The following TMEM108 variants were observed in gnomAD, a reference collection of about 807,000 sequenced individuals.
TMEM108 encodes the protein cancer/testis antigen 124.
A neutral mutation model predicts 35.1 loss-of-function variants in TMEM108; 12 were observed. The observed-to-expected ratio is 0.34, with a 90% CI of 0.22 to 0.55. The LOEUF (loss-of-function observed/expected upper bound fraction) is 0.55, where lower values mean the gene tolerates loss of function less well. TMEM108 is among the 20% of genes least tolerant of loss of function. TMEM108 has a pLI of 0.89. For missense variants in TMEM108, 680 were observed against 753.3 expected (o/e 0.90, Z 1.14); for synonymous variants, 287 against 308.6 (o/e 0.93, Z 0.73).
At chr3:133,188,020 A>G (rs1347276509) in intron 2 of TMEM108, among the ~76,000 whole-genome samples, 1 of 152,100 alleles carries the variant, frequency 6.6e-6, no homozygotes, top group Non-Finnish European at 1.5e-5. Flanking sequence ...CCTTGCTAAG[A>G]TGAGAACCAT....
intron 3 of TMEM108, 85 bp from the exon 4 acceptor site, chr3:133,379,667 A>G: frequency 7.3e-7 from 1 of 1,363,436 alleles, no homozygotes; most frequent in Non-Finnish European, 1.0e-6. Flanking sequence ...AGTTCCCAGC[A>G]CTGTCCTAGG....
In TMEM108 at chr3:133,181,008, T is replaced by TAAAAAAAAAAAAAAA. The variant is rs369228472; in HGVS notation, c.-46-48242_-46-48228dup. ...TGTACTGGCTATTGGGCAGTTGTGT[T>TAAAAAAAAAAAAAAA]AAAAAAAAAAAAAAAAAAAAAAAAA... On this transcript the variant is annotated intron_variant, in intron 2 of 5. Coordinates refer to ENST00000321871, the MANE Select transcript of TMEM108 (RefSeq NM_023943.4). Among the ~76,000 whole-genome samples, 402 of 75,826 alleles carry TAAAAAAAAAAAAAAA rather than the reference T, an allele frequency of 5.3e-3. 49 individuals carry two copies. Among genetic ancestry groups the TAAAAAAAAAAAAAAA allele is most frequent in the Non-Finnish European group, 7.9e-3 (316 of 40,148 alleles). The allele number at this position is 75,826 out of a possible 152,430, so 49.7% of individuals were successfully genotyped here. A position where few individuals can be genotyped will look rare whatever the true frequency, so the allele number is the denominator to read the frequency against.
rs570378653 is a variant in TMEM108, at chr3:133,154,857, A to G, written c.-46-74409A>G. 5.3e-5 allele frequency among the ~76,000 whole-genome samples: 8 copies of G among 151,310 alleles called. No homozygotes were observed. The South Asian group carries it at 1.0e-3, about 20-fold the overall frequency. On this transcript the variant is annotated intron_variant, in intron 2 of 5. Coordinates refer to ENST00000321871, the MANE Select transcript of TMEM108 (RefSeq NM_023943.4). ...GTACATGTACTGTAAAACTTAAAGT[A>G]TAATAATAATTAAAAAAAATTATTT... is the stretch of plus-strand genomic sequence containing the variant.
At chr3:133,350,731 C>T (rs1031463033) in intron 3 of TMEM108, among the ~76,000 whole-genome samples, 1 of 152,068 alleles carries the variant, frequency 6.6e-6, no homozygotes, top group South Asian at 2.1e-4. Context: ...ATTCCAGGAA[C>T]CCCTGGGAAT....
At chr3:133,174,527 G>A (rs765885387) in intron 2 of TMEM108, among the ~76,000 whole-genome samples, 7 of 152,298 alleles carry the variant, frequency 4.6e-5, no homozygotes, top group Middle Eastern at 3.4e-3. Context: ...AACAATATCC[G>A]CTGTTGTGCA....
intron 2 of TMEM108, among the ~76,000 whole-genome samples, chr3:133,215,613 TTTTG>T (rs1246153188): frequency 1.3e-5 from 2 of 152,132 alleles, no homozygotes; most frequent in Non-Finnish European, 2.9e-5. Flanking sequence ...GTTGAAGAGT[TTTTG>T]TTTTTTTCAT....
intron 3 of TMEM108, among the ~76,000 whole-genome samples, chr3:133,302,262 C>T (rs894714292): frequency 4.6e-5 from 7 of 152,168 alleles, no homozygotes; most frequent in African/African-American, 1.7e-4. Flanking sequence ...CACATGAGTG[C>T]ATGCGTGCGC....
chr3:133,267,254 A>G (rs1946712554), intron 3 of TMEM108, among the ~76,000 whole-genome samples: 2 of 152,170 alleles, frequency 1.3e-5, no homozygotes, highest in Non-Finnish European at 2.9e-5. Context: ...GCCTCTAAGG[A>G]GCTCACAGAG....
At chr3:133,200,673 C>T (rs1945649547) in intron 2 of TMEM108, among the ~76,000 whole-genome samples, 1 of 152,108 alleles carries the variant, frequency 6.6e-6, no homozygotes, top group Admixed American at 6.5e-5. Context: ...CAATGACTTC[C>T]CAGGGTCAGA....
In TMEM108 at chr3:133,380,017, G is replaced by C. The variant is rs533466152; in HGVS notation, c.306G>C (p.Ala102=). Residue 102 remains alanine (A), a synonymous_variant, in exon 4 of 6, where the codon GCG becomes GCC. Transcript: ENST00000321871. The surrounding 1 kb of genome is among the most constrained non-coding windows in gnomAD (Gnocchi z 5.3). The stretch of plus-strand genomic sequence containing the variant: ...CGCACACCATCTCCACCATCGCTGC[G>C]ACAGTAACCGCCCCCCATTCTGAAA... ...PPTHTISTIA[A]TVTAPHSESS... 1.2e-6 allele frequency: 2 copies of C among 1,613,812 alleles called. No homozygotes were observed.
At position 133,380,300 on chromosome 3, in the gene TMEM108, C is replaced by A; in HGVS notation, c.589C>A (p.Gln197Lys). 1 of 1,614,104 alleles carries A rather than the reference C, an allele frequency of 6.2e-7. No homozygotes were observed. Among genetic ancestry groups the A allele is most frequent in the South Asian group, 1.1e-5 (1 of 91,090 alleles). Residue 197 changes from glutamine (Q) to lysine (K), a missense_variant, in exon 4 of 6, where the codon CAG becomes AAG. By Grantham distance (53) the Gln-to-Lys change is moderately conservative (BLOSUM62 1). Around this residue, in one of 3 missense-constraint regions of TMEM108, gnomAD observed 526 missense variants for 532.1 expected, o/e 0.99. Coordinates refer to ENST00000321871, the MANE Select transcript of TMEM108 (RefSeq NM_023943.4). The surrounding 1 kb of genome is among the most constrained non-coding windows in gnomAD (Gnocchi z 5.3). ...PGGHSRSKEG[Q>K]RGRNPSSTPL... Reference sequence around the variant, plus strand: ...TGGCCACTCCAGGAGTAAAGAAGGACAGCGAGGACGAAATCCAAGCTCCAC... The same window carrying A: ...TGGCCACTCCAGGAGTAAAGAAGGAAAGCGAGGACGAAATCCAAGCTCCAC...
chr3:133,132,541 C>T (rs550825906), intron 2 of TMEM108, among the ~76,000 whole-genome samples: 1 of 152,262 alleles, frequency 6.6e-6, no homozygotes, highest in Admixed American at 6.5e-5. Context: ...AAGAAGATTC[C>T]TTTCAAAATA....
intron 2 of TMEM108, among the ~76,000 whole-genome samples, chr3:133,171,485 T>G (rs1559855624): frequency 6.6e-6 from 1 of 152,178 alleles, no homozygotes; most frequent in East Asian, 1.9e-4. Flanking sequence ...CAAGTGATTC[T>G]CCTGCCTCAG....
At chr3:133,136,123 T>C (rs1944561481) in intron 2 of TMEM108, among the ~76,000 whole-genome samples, 1 of 152,234 alleles carries the variant, frequency 6.6e-6, no homozygotes, top group South Asian at 2.1e-4. Context: ...TGTAATTAAA[T>C]AATAGTTGGG....
chr3:133,233,248 T>G lies in TMEM108; in HGVS notation c.40+3897T>G, dbSNP rs141710431. On this transcript the variant is annotated intron_variant, in intron 3 of 5. Coordinates refer to ENST00000321871, the MANE Select transcript of TMEM108 (RefSeq NM_023943.4). ...TGTTCCCCTTCCTGTGTCCACGTGT[T>G]CTCATTGTTCAATTCCCACCTATGA... Among the ~76,000 whole-genome samples the G allele has an allele frequency of 8.7e-3, 1,323 of 152,246 alleles. 15 individuals carry two copies. The highest frequency in any genetic ancestry group is 0.03 in the South Asian group (146 of 4,820).
intron 2 of TMEM108, among the ~76,000 whole-genome samples, chr3:133,165,228 A>C (rs1436534441): frequency 6.6e-6 from 1 of 152,192 alleles, no homozygotes; most frequent in Admixed American, 6.5e-5. Context: ...ATTGAGGAGA[A>C]TCTTCAGACC....
chr3:133,232,586 A>G (rs1946169369), intron 3 of TMEM108, among the ~76,000 whole-genome samples: 1 of 152,250 alleles, frequency 6.6e-6, no homozygotes, highest in Non-Finnish European at 1.5e-5. Flanking sequence ...CAGTAAGACC[A>G]AAATAAAAAG....
At chr3:133,070,766 TG>T (rs1030820888) in intron 2 of TMEM108, among the ~76,000 whole-genome samples, 4 of 151,908 alleles carry the variant, frequency 2.6e-5, no homozygotes, top group African/African-American at 9.7e-5. Flanking sequence ...TGTGTGTGTG[TG>T]TGTGTATCTG....
intron 2 of TMEM108, among the ~76,000 whole-genome samples, chr3:133,061,682 G>A (rs912812425): frequency 6.6e-6 from 1 of 152,142 alleles, no homozygotes; most frequent in African/African-American, 2.4e-5. Flanking sequence ...AAAACTAGGG[G>A]ATATGAATAC....
Sources: allele counts gnomAD v4.1 joint callset (sites outside exome capture counted in the v4.1 genomes callset), GRCh38; gene constraint gnomAD v4.1.1; regional missense constraint gnomAD v4.1.1; non-coding constraint Gnocchi (gnomAD v3.1); transcripts MANE v1.5; gene names NCBI Gene and HGNC (gene_info 2026-07-23, HGNC 2026-07-21).